The following PFKP variants were observed in gnomAD, a reference collection of about 807,000 sequenced individuals.
PFKP encodes the protein phosphofructokinase, platelet.
PFKP carries 101 observed loss-of-function variants against 94.3 expected under a neutral mutation model. That is an observed-to-expected ratio of 1.07 (90% CI 0.91 to 1.26). PFKP has a LOEUF of 1.26. Among genes scored for constraint, PFKP ranks in the 50% most tolerant of loss-of-function variants. The pLI, the probability that PFKP is intolerant of heterozygous loss-of-function variation, is 0.00. For synonymous variants in PFKP, 573 were observed against 432.6 expected (o/e 1.32, Z -4.03); for missense variants, 1,145 against 1,103.3 (o/e 1.04, Z -0.53).
rs748455030 is a variant in PFKP at position 3,101,452 on chromosome 10, G to A, written c.352G>A (p.Gly118Ser). Reference protein sequence around the residue: ...LKAACNLLQRGITNLCVIGGD... With the variant: ...LKAACNLLQRSITNLCVIGGD... ...GGCTGCTTGCAACCTGCTGCAGCGC[G>A]GCATCACCAACCTGTGTGTGATCGG... is the stretch of plus-strand genomic sequence containing the variant. Residue 118 changes from glycine to serine, a missense_variant, in exon 4 of 22, where the codon GGC (glycine) becomes AGC (serine). Around this residue, in one of 3 missense-constraint regions of PFKP, gnomAD observed 1,119 missense variants for 1,062.8 expected, o/e 1.05. Coordinates refer to ENST00000381125, the MANE Select transcript of PFKP (RefSeq NM_002627.5). 135 of 1,609,982 alleles carry A rather than the reference G, an allele frequency of 8.4e-5. 2 individuals are homozygous for A. The Admixed American group carries it at 1.3e-3, about 16-fold the overall frequency.
chr10:3,092,191 C>T (rs1834098254), intron 2 of PFKP, among the ~76,000 whole-genome samples: 1 of 151,982 alleles, frequency 6.6e-6, no homozygotes, highest in Non-Finnish European at 1.5e-5. Flanking sequence ...ACTGGCCAAC[C>T]CTTCTGAGCT....
chr10:3,068,822 T>C (rs1289552290), intron 1 of PFKP: 5 of 482,100 alleles, frequency 1.0e-5, no homozygotes, highest in Non-Finnish European at 1.4e-5. Flanking sequence ...CGCCCCGAGC[T>C]GGGTTTTGAT....
chr10:3,069,356 C>T (rs750688910), intron 1 of PFKP: 26 of 1,589,024 alleles, frequency 1.6e-5, no homozygotes, highest in Non-Finnish European at 2.1e-5. Flanking sequence ...AATAGCCTGG[C>T]CCGCGTGACT....
chr10:3,133,353 TC>T, intron 19 of PFKP, 39 bp downstream of exon 19: 1 of 1,210,744 alleles, frequency 8.3e-7, no homozygotes, highest in South Asian at 1.2e-5. Context: ...AAAGCCCCTG[TC>T]ATGTGACTTT....
chr10:3,136,525 C>T lies in PFKP; in HGVS notation c.2301C>T (p.Ser767=). The T allele has an allele frequency of 6.2e-7, 1 of 1,613,638 alleles. No individual in the cohort carries two copies. The highest frequency in any genetic ancestry group is 8.5e-7 in the Non-Finnish European group (1 of 1,179,752). ...LMKILAKYKA[S]YDVSDSGQLE... ...AAATCCTGGCCAAGTACAAGGCCAG[C>T]TATGACGTGTCGGACTCAGGCCAGC... is the stretch of plus-strand genomic sequence containing the variant. The change falls in exon 22 of 22, where the codon AGC becomes AGT. Residue 767 remains serine, a synonymous_variant. Coordinates refer to ENST00000381125, the MANE Select transcript of PFKP (RefSeq NM_002627.5).
chr10:3,126,560 C>T (rs1206530289), intron 16 of PFKP, among the ~76,000 whole-genome samples: 1 of 152,218 alleles, frequency 6.6e-6, no homozygotes, highest in East Asian at 1.9e-4. Context: ...GACAGGACCC[C>T]CACCCCCTGT....
At chr10:3,111,162 A>T (rs1836195506) in intron 10 of PFKP, among the ~76,000 whole-genome samples, 2 of 151,448 alleles carry the variant, frequency 1.3e-5, no homozygotes, top group Admixed American at 1.3e-4. Context: ...GCATGTGTTT[A>T]TATGGATGTG....
At chr10:3,134,212 G>C (rs983439730) in intron 19 of PFKP, among the ~76,000 whole-genome samples, 1 of 152,192 alleles carries the variant, frequency 6.6e-6, no homozygotes, top group African/African-American at 2.4e-5. Context: ...ATGAGTTCAT[G>C]AAATCCTGAT....
intron 14 of PFKP, among the ~76,000 whole-genome samples, chr10:3,117,341 G>A (rs184065339): frequency 3.2e-4 from 49 of 152,268 alleles, no homozygotes; most frequent in African/African-American, 5.8e-4. Context: ...TAAGCCTGGC[G>A]TCCCTGCATC....
intron 2 of PFKP, among the ~76,000 whole-genome samples, chr10:3,088,820 C>T (rs1459089536): frequency 1.3e-5 from 2 of 151,788 alleles, no homozygotes; most frequent in Non-Finnish European, 2.9e-5. Flanking sequence ...TTTTCCCCAC[C>T]CCTCCCCTTC....
At chr10:3,128,629 T>TCCCTGGCGCCTCCTC (rs148517271) in intron 16 of PFKP, among the ~76,000 whole-genome samples, 10,929 of 152,276 alleles carry the variant, frequency 0.072, 425 homozygotes, top group Non-Finnish European at 0.09. Context: ...TACGCCTTGT[T>TCCCTGGCGCCTCCTC]CCCTGGCGCC....
chr10:3,135,551 A>G (rs1839163073), intron 20 of PFKP, among the ~76,000 whole-genome samples, 185 bp from the exon 21 acceptor site: 1 of 152,222 alleles, frequency 6.6e-6, no homozygotes, highest in South Asian at 2.1e-4. Context: ...GCAGTCCCAC[A>G]GGAGCAGAGC....
At chr10:3,069,486 C>T (rs1017302119) in intron 1 of PFKP, 2 of 1,123,356 alleles carry the variant, frequency 1.8e-6, no homozygotes, top group Non-Finnish European at 2.5e-6. Flanking sequence ...GTGACCTTAC[C>T]TGGGCCGCGA....
chr10:3,095,195 TA>T lies in PFKP; in HGVS notation c.187-4069del, dbSNP rs796733542. ...TATAATTTCCCTTTGTCTGTAACTT[TA>T]AAAAAAAAAACTTACATATGAGACG... On this transcript the variant is annotated intron_variant, in intron 2 of 21. Transcript: ENST00000381125. Among the ~76,000 whole-genome samples the T allele has an allele frequency of 4.7e-4, 43 of 90,562 alleles. No homozygotes were observed. In the South Asian group the frequency reaches 5.5e-3, roughly 12 times the overall value. 59.4% of individuals were successfully genotyped at this position (90,562 alleles called of 152,430 possible).
chr10:3,133,359 G>C (rs1838824675), intron 19 of PFKP, 45 bp downstream of exon 19: 1 of 1,192,188 alleles, frequency 8.4e-7, no homozygotes, highest in South Asian at 1.2e-5. Context: ...CCTGTCATGT[G>C]ACTTTTAAAA....
chr10:3,077,580 T>A (rs569088725), intron 1 of PFKP, among the ~76,000 whole-genome samples: 1,634 of 150,438 alleles, frequency 0.011, 26 homozygotes, highest in African/African-American at 0.037. Flanking sequence ...CCTTACTTTT[T>A]AAAAAAAAAA....
At chr10:3,117,406 T>C (rs1300989854) in intron 14 of PFKP, among the ~76,000 whole-genome samples, 2 of 152,234 alleles carry the variant, frequency 1.3e-5, no homozygotes, top group Non-Finnish European at 2.9e-5. Flanking sequence ...TTCTCACCTT[T>C]GATCATGTCA....
At chr10:3,108,488 C>T (rs1404952526) in intron 8 of PFKP, among the ~76,000 whole-genome samples, 6 of 152,140 alleles carry the variant, frequency 3.9e-5, no homozygotes, top group African/African-American at 1.4e-4. Flanking sequence ...AAGATCTTGT[C>T]TGGTAACAAC....
chr10:3,075,805 T>C (rs1340854475), intron 1 of PFKP, among the ~76,000 whole-genome samples: 1 of 147,576 alleles, frequency 6.8e-6, no homozygotes, highest in Non-Finnish European at 1.5e-5. Context: ...CGTGGGAGAT[T>C]GAGGTGGGAG....
Sources: gnomAD v4.1 joint callset for allele counts (sites outside exome capture counted in the v4.1 genomes callset) on GRCh38, gnomAD v4.1.1 for gene constraint, gnomAD v4.1.1 regional missense constraint, MANE v1.5 for transcripts, NCBI Gene and HGNC (gene_info 2026-07-23, HGNC 2026-07-21) for gene names.